MARCHF11: variants seen among roughly 807,000 people sequenced by gnomAD.
MARCHF11 encodes E3 ubiquitin-protein ligase MARCHF11.
MARCHF11 carries 29 observed loss-of-function variants against 37.3 expected under a neutral mutation model. The observed-to-expected ratio is 0.78, with a 90% confidence interval of 0.58 to 1.06. MARCHF11 has a LOEUF of 1.06. MARCHF11 is among the 50% of genes least tolerant of loss of function. The pLI is 0.00. For synonymous variants in MARCHF11, 233 were observed against 228.0 expected, an observed-to-expected ratio of 1.02 and a Z score of -0.20; for missense variants, 482 against 533.4, an observed-to-expected ratio of 0.90 and a Z score of 0.95.
Position 16,179,092 on chromosome 5 carries a change from G to T in MARCHF11, c.484C>A (p.Gln162Lys). 2 of 1,496,088 alleles carry T rather than the reference G, an allele frequency of 1.3e-6. No individual in the cohort carries two copies. Among genetic ancestry groups the T allele is most frequent in the Non-Finnish European group, 1.8e-6 (2 of 1,129,340 alleles). The allele number at this position is 1,496,088 out of a possible 1,614,324, so 92.7% of individuals were successfully genotyped here. ...CAGATGGGCTGGTGGTGCTGGTGCTGGTGCCCAGCGCGCTGGTCGCCGCCG... is the reference window on the plus strand; with the variant it reads ...CAGATGGGCTGGTGGTGCTGGTGCTTGTGCCCAGCGCGCTGGTCGCCGCCG... ...SGGGDQRAGH[Q>K]HQHHQPICKI... The change falls in exon 1 of 4, where the codon CAG becomes AAG. Residue 162 changes from glutamine to lysine, a missense_variant. Gln to Lys is a moderately conservative substitution (Grantham distance 53, BLOSUM62 1). Coordinates refer to ENST00000332432, the MANE Select transcript of MARCHF11 (RefSeq NM_001102562.3).
At chr5:16,145,848 T>G (rs180914941) in intron 2 of MARCHF11, among the ~76,000 whole-genome samples, 20 of 152,306 alleles carry the variant, frequency 1.3e-4, no homozygotes, top group Admixed American at 1.2e-3. Flanking sequence ...TAGTAAACTT[T>G]CTTATGTTTC....
chr5:16,127,221 G>A (rs995508593), intron 2 of MARCHF11, among the ~76,000 whole-genome samples: 8 of 152,176 alleles, frequency 5.3e-5, no homozygotes, highest in Non-Finnish European at 8.8e-5. Flanking sequence ...GCACAGAACA[G>A]GGACTGCCAA....
At chr5:16,102,249 G>C (rs985969893) in intron 2 of MARCHF11, among the ~76,000 whole-genome samples, 1 of 152,138 alleles carries the variant, frequency 6.6e-6, no homozygotes, top group Admixed American at 6.5e-5. Context: ...CTACTACATG[G>C]AACTGGGCTT....
chr5:16,137,008 C>A (rs1208439575), intron 2 of MARCHF11, among the ~76,000 whole-genome samples: 1 of 152,012 alleles, frequency 6.6e-6, no homozygotes, highest in Non-Finnish European at 1.5e-5. Context: ...AATATAAAAT[C>A]AAATCTAGAC....
At chr5:16,135,867 A>T (rs2126587843) in intron 2 of MARCHF11, among the ~76,000 whole-genome samples, 1 of 141,400 alleles carries the variant, frequency 7.1e-6, no homozygotes, top group East Asian at 2.3e-4. Flanking sequence ...GAAGGGAGGA[A>T]GTGAAAGAGA....
intron 2 of MARCHF11, among the ~76,000 whole-genome samples, chr5:16,177,256 T>A (rs1232433789): frequency 6.6e-6 from 1 of 152,208 alleles, no homozygotes; most frequent in Non-Finnish European, 1.5e-5. Context: ...TAAGTGGAAA[T>A]AACATTCAGA....
At chr5:16,147,601 A>G (rs576964548) in intron 2 of MARCHF11, among the ~76,000 whole-genome samples, 6 of 152,238 alleles carry the variant, frequency 3.9e-5, no homozygotes, top group African/African-American at 1.2e-4. Flanking sequence ...ATGAGTAAAG[A>G]GGCTTGGTCT....
intron 3 of MARCHF11, 27 bp from the exon 4 acceptor site, chr5:16,067,820 A>G (rs1736375638): frequency 6.3e-7 from 1 of 1,578,094 alleles, no homozygotes; most frequent in East Asian, 2.2e-5. Flanking sequence ...TAAAAAACCA[A>G]AAAGACTGGT....
At chr5:16,137,092 A>T (rs1242497798) in intron 2 of MARCHF11, among the ~76,000 whole-genome samples, 1 of 152,228 alleles carries the variant, frequency 6.6e-6, no homozygotes, top group Non-Finnish European at 1.5e-5. Context: ...CACATCTATT[A>T]TGTAACTAAG....
intron 2 of MARCHF11, among the ~76,000 whole-genome samples, chr5:16,176,679 A>C (rs930906390): frequency 2.1e-4 from 32 of 152,348 alleles, no homozygotes; most frequent in African/African-American, 7.2e-4. Context: ...TATGAAATTT[A>C]AATTATTAAT....
intron 2 of MARCHF11, among the ~76,000 whole-genome samples, chr5:16,102,766 C>T (rs1464488873): frequency 6.6e-6 from 1 of 152,206 alleles, no homozygotes; most frequent in Non-Finnish European, 1.5e-5. Flanking sequence ...GTCACACTGA[C>T]TTTCCACTGA....
intron 2 of MARCHF11, among the ~76,000 whole-genome samples, chr5:16,133,646 C>T (rs1319523901): frequency 6.9e-6 from 1 of 145,128 alleles, no homozygotes; most frequent in Non-Finnish European, 1.5e-5. Context: ...CACACATACA[C>T]ATGCACACAC....
At position 16,114,176 on chromosome 5, in the gene MARCHF11, C is replaced by T. The variant is rs551427988; in HGVS notation, c.694-23095G>A. On this transcript the variant is annotated intron_variant, in intron 2 of 3. Transcript: ENST00000332432. ...TACATTTTCTTTATTCATCTGTTTA[C>T]AGACACTTAGGTTGATTACATATCT... Among the ~76,000 whole-genome samples, 3 of 152,286 alleles carry T rather than the reference C, an allele frequency of 2.0e-5. No homozygotes were observed. The South Asian group carries it at 6.2e-4, about 32-fold the overall frequency.
At position 16,081,317 on chromosome 5, in the gene MARCHF11, C is replaced by T. The variant is rs112485369; in HGVS notation, c.886+9572G>A. ...AGTAAATCTTTCAAGCTGTGCTAACCTTTCATTCACTGTCACAACTTCTCA... is the reference window on the plus strand; with the variant it reads ...AGTAAATCTTTCAAGCTGTGCTAACTTTTCATTCACTGTCACAACTTCTCA... On this transcript the variant is annotated intron_variant, in intron 3 of 3. Transcript: ENST00000332432. Among the ~76,000 whole-genome samples, 1,435 of 152,324 alleles carry T rather than the reference C, an allele frequency of 9.4e-3. 9 individuals are homozygous for T. Among genetic ancestry groups the T allele is most frequent in the Middle Eastern group, 0.02 (6 of 294 alleles).
intron 2 of MARCHF11, among the ~76,000 whole-genome samples, chr5:16,174,032 C>T (rs538321626): frequency 1.3e-5 from 2 of 152,322 alleles, no homozygotes; most frequent in African/African-American, 4.8e-5. Context: ...ATTTCACATA[C>T]AGTACTTTAT....
rs6554910 is a variant in MARCHF11 at position 16,067,901 on chromosome 5, T to A, written c.887-108A>T. On this transcript the variant is annotated intron_variant, in intron 3 of 3. Coordinates refer to ENST00000332432, the MANE Select transcript of MARCHF11 (RefSeq NM_001102562.3). ...CCAAAAATAGTTATGTTATTCATCA[T>A]CAGCAAAAATACAGTATTCTGTTTA... 0.012 allele frequency: 11,903 copies of A among 953,002 alleles called. 929 individuals are homozygous for A. The African/African-American group carries it at 0.18, about 14-fold the overall frequency. The allele number at this position is 953,002 out of a possible 1,614,324, so 59.0% of individuals were successfully genotyped here.
In MARCHF11 at chr5:16,121,772, G is replaced by A. The variant is rs1038851499; in HGVS notation, c.694-30691C>T. ...CAAAAATCAAAGCTAATGTGTTTAT[G>A]CTCAGTAAAATAAGCTTACCTCTCC... On this transcript the variant is annotated intron_variant, in intron 2 of 3. Transcript: ENST00000332432. Among the ~76,000 whole-genome samples, 4 of 152,264 alleles carry A rather than the reference G, an allele frequency of 2.6e-5. No individual in the cohort carries two copies. The East Asian group carries it at 7.7e-4, about 29-fold the overall frequency.
chr5:16,140,691 A>G (rs1737688154), intron 2 of MARCHF11, among the ~76,000 whole-genome samples: 1 of 152,242 alleles, frequency 6.6e-6, no homozygotes, highest in Non-Finnish European at 1.5e-5. Context: ...CGTTCTCAAC[A>G]TAAAAAATCT....
intron 3 of MARCHF11, among the ~76,000 whole-genome samples, chr5:16,083,274 A>C (rs1006261609): frequency 2.8e-4 from 43 of 152,260 alleles, no homozygotes; most frequent in African/African-American, 1.0e-3. Context: ...GGCTCTCCAC[A>C]GGGAGACCAG....
Sources: allele counts gnomAD v4.1 joint callset (sites outside exome capture counted in the v4.1 genomes callset), GRCh38; gene constraint gnomAD v4.1.1; transcripts MANE v1.5; gene names NCBI Gene and HGNC (gene_info 2026-07-23, HGNC 2026-07-21).